The following PON3 variants were observed in gnomAD, a reference collection of about 807,000 sequenced individuals.
PON3 encodes the protein paraoxonase 3.
Under a neutral mutation model 36.3 loss-of-function variants are expected in PON3, and 37 were observed. The ratio of observed to expected loss-of-function variants is 1.02; its 90% CI spans 0.78 to 1.34. The LOEUF (loss-of-function observed/expected upper bound fraction) is 1.34, where lower values mean the gene tolerates loss of function less well. Ranked by LOEUF, PON3 falls within the 40% of genes most tolerant of loss-of-function variation. The pLI, the probability that PON3 is intolerant of heterozygous loss-of-function variation, is 0.00. For missense variants in PON3, 415 were observed against 426.5 expected, an observed-to-expected ratio of 0.97 and a Z score of 0.24; for synonymous variants, 155 against 154.8, an observed-to-expected ratio of 1.00 and a Z score of -0.01.
At chr7:95,363,730 C>T in intron 6 of PON3, 133 bp downstream of exon 6, 1 of 896,528 alleles carries the variant, frequency 1.1e-6, no homozygotes, top group Non-Finnish European at 1.8e-6. Context: ...TTAGTGTGAA[C>T]CCTGGCCACA....
intron 2 of PON3, among the ~76,000 whole-genome samples, chr7:95,392,215 CTTG>C (rs1266469339): frequency 2.0e-5 from 3 of 152,238 alleles, no homozygotes; most frequent in Non-Finnish European, 4.4e-5. Context: ...ATCATTCTAA[CTTG>C]TTTAGTTCAC....
chr7:95,363,960 GA>G lies in PON3; in HGVS notation c.597del (p.Arg200AlafsTer37). 6.2e-7 allele frequency: 1 copy of G among 1,613,812 alleles called. No homozygotes were observed. Among genetic ancestry groups the G allele is most frequent in the Middle Eastern group, 1.6e-4 (1 of 6,062 alleles). ...LLSFFEMILD[L>X]RWTYVLFYSP... ...CTGTAGAAAAGAACATAAGTCCAGC[GA>G]AGATCCAAGATCATCTCAAAAAATG... On this transcript the variant is annotated frameshift_variant, in exon 6 of 9. Transcript: ENST00000265627. LOFTEE classifies it high-confidence loss of function.
At position 95,383,985 on chromosome 7, in the gene PON3, G is replaced by A. The variant is rs1016394730; in HGVS notation, c.201+6169C>T. On this transcript the variant is annotated intron_variant, in intron 3 of 8. Transcript: ENST00000265627. The stretch of plus-strand genomic sequence containing the variant: ...AAGGCTACAGTAACCAAAACAGCAT[G>A]GTACTGGTACCAAAACAGATATATA... 3.3e-5 allele frequency among the ~76,000 whole-genome samples: 5 copies of A among 152,224 alleles called. 1 individual carries two copies. Among genetic ancestry groups the A allele is most frequent in the African/African-American group, 1.2e-4 (5 of 41,524 alleles).
intron 2 of PON3, among the ~76,000 whole-genome samples, chr7:95,391,406 A>C (rs992984034): frequency 3.3e-5 from 5 of 152,226 alleles, no homozygotes; most frequent in African/African-American, 1.2e-4. Flanking sequence ...TTAGATGTCA[A>C]GGGCAGCCAG....
chr7:95,367,813 G>A (rs915329807), intron 4 of PON3, among the ~76,000 whole-genome samples: 1 of 152,218 alleles, frequency 6.6e-6, no homozygotes, highest in Admixed American at 6.5e-5. Context: ...AAACAGGGAT[G>A]TGGTTTCCCC....
At chr7:95,383,154 C>G (rs560561733) in intron 3 of PON3, among the ~76,000 whole-genome samples, 8 of 152,152 alleles carry the variant, frequency 5.3e-5, no homozygotes, top group South Asian at 2.1e-4. Context: ...ATTCAACAGC[C>G]CTTCATGCTA....
In PON3 at chr7:95,396,329, C is replaced by G; in HGVS notation, c.22G>C (p.Val8Leu). MGKLVALVLLGVGLSLVG... is the reference protein window; with the variant it reads MGKLVALLLLGVGLSLVG... ...AAGGACAGGCCGACCCCCAGCAGGA[C>G]CAGCGCCACGAGCTTCCCCATGGTC... The change falls in exon 1 of 9, where the codon GTC becomes CTC. Residue 8 changes from valine (V) to leucine (L), a missense_variant. Val to Leu is a conservative substitution (Grantham distance 32, BLOSUM62 1). Coordinates refer to ENST00000265627, the MANE Select transcript of PON3 (RefSeq NM_000940.3). 1 of 1,614,082 alleles carries G rather than the reference C, an allele frequency of 6.2e-7. No homozygotes were observed. Among genetic ancestry groups the G allele is most frequent in the Admixed American group, 1.7e-5 (1 of 60,026 alleles).
chr7:95,390,025 T>G (rs1007862213), intron 3 of PON3, 129 bp downstream of exon 3: 1 of 1,023,084 alleles, frequency 9.8e-7, no homozygotes. Context: ...TTGGCTTTTT[T>G]AGTTGACTGG....
chr7:95,374,614 T>G (rs988012184), intron 3 of PON3, among the ~76,000 whole-genome samples: 3 of 152,230 alleles, frequency 2.0e-5, no homozygotes, highest in South Asian at 4.1e-4. Flanking sequence ...TTGCCTAATG[T>G]GAACTGCTCC....
intron 3 of PON3, among the ~76,000 whole-genome samples, chr7:95,385,058 A>G (rs1809157585): frequency 6.6e-6 from 1 of 152,200 alleles, no homozygotes; most frequent in Non-Finnish European, 1.5e-5. Context: ...TTGTAGGAAC[A>G]TGGATGAAAC....
chr7:95,377,529 A>G (rs1363313886), intron 3 of PON3: 5 of 421,504 alleles, frequency 1.2e-5, no homozygotes, highest in Non-Finnish European at 2.4e-5. Context: ...GGGCTGACAG[A>G]TACCTCATAC....
At chr7:95,364,890 T>C (rs1808657168) in intron 5 of PON3, 1 of 152,164 alleles carries the variant, frequency 6.6e-6, no homozygotes, top group African/African-American at 2.4e-5. Context: ...AATAAAGTCA[T>C]TTTTATTTTT....
chr7:95,367,493 A>G lies in PON3; in HGVS notation c.368-5T>C, dbSNP rs896889548. On this transcript the variant is annotated splice_polypyrimidine_tract_variant and splice_region_variant and intron_variant, in intron 4 of 8. Coordinates refer to ENST00000265627, the MANE Select transcript of PON3 (RefSeq NM_000940.3). Reference sequence around the variant, plus strand: ...CATAAAGATACACAGTATTGTCTACATGGAAAAAAGGGATAATTTCCAAGA... The same window carrying G: ...CATAAAGATACACAGTATTGTCTACGTGGAAAAAAGGGATAATTTCCAAGA... 15 of 1,612,524 alleles carry G rather than the reference A, an allele frequency of 9.3e-6. No individual in the cohort carries two copies. The highest frequency in any genetic ancestry group is 1.7e-5 in the Admixed American group (1 of 59,970).
intron 3 of PON3, among the ~76,000 whole-genome samples, chr7:95,387,510 T>A (rs1292426217): frequency 6.6e-6 from 1 of 152,210 alleles, no homozygotes; most frequent in Non-Finnish European, 1.5e-5. Context: ...GAACATTCCA[T>A]GCTCATGGAT....
intron 3 of PON3, among the ~76,000 whole-genome samples, chr7:95,375,089 A>G (rs1267089762): frequency 6.6e-6 from 1 of 152,092 alleles, no homozygotes; most frequent in African/African-American, 2.4e-5. Context: ...CCTCTCATTT[A>G]TATCTATTCT....
At chr7:95,364,378 T>C (rs1808644948) in intron 5 of PON3, 1 of 400,992 alleles carries the variant, frequency 2.5e-6, no homozygotes, top group South Asian at 2.2e-5. Context: ...GTGACAGTTG[T>C]AGTGCAGTTC....
chr7:95,384,767 A>C (rs1809149062), intron 3 of PON3, among the ~76,000 whole-genome samples: 1 of 152,216 alleles, frequency 6.6e-6, no homozygotes, highest in Non-Finnish European at 1.5e-5. Context: ...AAACTAGTTC[A>C]ACCTTGTGGA....
Position 95,377,111 on chromosome 7 carries a change from G to A in PON3, c.202-4773C>T, listed in dbSNP as rs191035014. Among the ~76,000 whole-genome samples the A allele has an allele frequency of 9.4e-4, 143 of 152,300 alleles. 1 individual carries two copies. The highest frequency in any genetic ancestry group is 8.2e-3 in the Admixed American group (125 of 15,290). ...GGAAATTCCCTCCCGTGTCTGGCTC[G>A]GCGGGTTCTACGCCCACAGAGCCTT... On this transcript the variant is annotated intron_variant, in intron 3 of 8. Coordinates refer to ENST00000265627, the MANE Select transcript of PON3 (RefSeq NM_000940.3).
intron 3 of PON3, among the ~76,000 whole-genome samples, chr7:95,378,209 G>GAAAC (rs1373365364): frequency 6.6e-6 from 1 of 152,072 alleles, no homozygotes; most frequent in Admixed American, 6.6e-5. Flanking sequence ...GATGAGAGAA[G>GAAAC]AGTGAAAAGA....
Sources: gnomAD v4.1 joint callset for allele counts (sites outside exome capture counted in the v4.1 genomes callset) on GRCh38, gnomAD v4.1.1 for gene constraint, MANE v1.5 for transcripts, NCBI Gene and HGNC (gene_info 2026-07-23, HGNC 2026-07-21) for gene names.